UQCC6: variants seen among roughly 807,000 people sequenced by gnomAD.
UQCC6 encodes protein BRAWNIN.
chr12:103,960,156 T>C, the UQCC6 span, among the ~76,000 whole-genome samples: 2 of 151,938 alleles, frequency 1.3e-5, no homozygotes, highest in East Asian at 3.9e-4. Context: ...GGCGTGACCT[T>C]GACTCCTGAG....
the UQCC6 span, chr12:103,954,681 AT>A: frequency 4.7e-6 from 2 of 429,806 alleles, no homozygotes; most frequent in African/African-American, 4.1e-5. Flanking sequence ...ATCAGTGGAC[AT>A]TCAACAACAG....
chr12:103,951,682 G>T, the UQCC6 span: 1 of 971,194 alleles, frequency 1.0e-6, no homozygotes, highest in Non-Finnish European at 1.5e-6. Context: ...TAATAAGGCT[G>T]TAATTCAATG....
At chr12:103,959,774 G>A in the UQCC6 span, among the ~76,000 whole-genome samples, 2 of 149,228 alleles carry the variant, frequency 1.3e-5, no homozygotes, top group Non-Finnish European at 3.0e-5. Flanking sequence ...TTCCAAAGCA[G>A]CTATACAAAT....
chr12:103,951,516 G>A, the UQCC6 span: 2 of 1,411,110 alleles, frequency 1.4e-6, no homozygotes, highest in East Asian at 2.5e-5. Flanking sequence ...CAGAATTCTT[G>A]GCATAGTTAT....
chr12:103,960,680 TAAC>T, the UQCC6 span, among the ~76,000 whole-genome samples: 5 of 152,276 alleles, frequency 3.3e-5, no homozygotes, highest in African/African-American at 7.2e-5. Context: ...ATATGCTGCA[TAAC>T]AACATTTCAG....
At chr12:103,961,537 TTTGTTGTTGTTGTTGTTG>T in the UQCC6 span, among the ~76,000 whole-genome samples, 1 of 150,456 alleles carries the variant, frequency 6.6e-6, no homozygotes, top group Non-Finnish European at 1.5e-5. Context: ...ACTGTTTGGT[TTTGTTGTTGTTGTTGTTG>T]TTGTTGTTGT....
chr12:103,964,580 C>T, the UQCC6 span, among the ~76,000 whole-genome samples: 1 of 152,224 alleles, frequency 6.6e-6, no homozygotes, highest in Non-Finnish European at 1.5e-5. Context: ...GAAAAGTTTA[C>T]TCTCTTCACA....
the UQCC6 span, among the ~76,000 whole-genome samples, chr12:103,952,179 A>C: frequency 0.41 from 61,686 of 151,900 alleles, 13,676 homozygotes; most frequent in African/African-American, 0.58. Context: ...ATTAGCAGTC[A>C]CTTTCATTTC....
the UQCC6 span, chr12:103,955,046 G>C: frequency 3.7e-5 from 25 of 676,960 alleles, 1 homozygote; most frequent in Middle Eastern, 2.3e-4. Flanking sequence ...CAGGCACAGT[G>C]GCTCATGCCT....
chr12:103,957,097 A>C, the UQCC6 span: 1 of 273,378 alleles, frequency 3.7e-6, no homozygotes, highest in Non-Finnish European at 7.2e-6. Context: ...TGTGGACTTC[A>C]CTCCTCTCTG....
At chr12:103,962,341 A>G in the UQCC6 span, among the ~76,000 whole-genome samples, 1 of 152,156 alleles carries the variant, frequency 6.6e-6, no homozygotes, top group African/African-American at 2.4e-5. Context: ...CTTTTGTATT[A>G]TATTTAAAAA....
chr12:103,952,477 C>T, the UQCC6 span, among the ~76,000 whole-genome samples: 1,102 of 152,248 alleles, frequency 7.2e-3, 22 homozygotes, highest in African/African-American at 0.026. Flanking sequence ...TAATACTGCT[C>T]TGAACATTCA....
chr12:103,953,320 A>G, the UQCC6 span: 1 of 700,258 alleles, frequency 1.4e-6, no homozygotes. Context: ...AGTATGAGAG[A>G]GGAATTAAGG....
At chr12:103,960,621 A>G in the UQCC6 span, among the ~76,000 whole-genome samples, 6 of 152,226 alleles carry the variant, frequency 3.9e-5, no homozygotes, top group African/African-American at 7.2e-5. Flanking sequence ...ACCCCACACC[A>G]TATTAAAAAT....
chr12:103,957,612 C>A, the UQCC6 span, among the ~76,000 whole-genome samples: 3 of 152,202 alleles, frequency 2.0e-5, no homozygotes, highest in South Asian at 6.2e-4. Flanking sequence ...TTTTGATACC[C>A]GAAATAGAGC....
At chr12:103,964,131 CTTTTTTTTTTTTTTTTTTTTTTTTTT>C in the UQCC6 span, among the ~76,000 whole-genome samples, 1 of 69,470 alleles carries the variant, frequency 1.4e-5, no homozygotes, top group Admixed American at 2.0e-4. Context: ...CTCCCATAAG[CTTTTTTTTTTTTTTTTTTTTTTTTTT>C]TTTTTTTTTT....
At chr12:103,956,807 G>C in the UQCC6 span, 2 of 1,096,806 alleles carry the variant, frequency 1.8e-6, no homozygotes, top group Non-Finnish European at 2.7e-6. Flanking sequence ...CACCGCGCCA[G>C]GGCTGAGGCG....
the UQCC6 span, chr12:103,951,646 A>T: frequency 7.3e-7 from 1 of 1,378,312 alleles, no homozygotes; most frequent in Non-Finnish European, 1.0e-6. Context: ...AAAAAAACAA[A>T]ACAAAAAACA....
chr12:103,955,025 T>C, the UQCC6 span: 2 of 693,284 alleles, frequency 2.9e-6, no homozygotes, highest in Non-Finnish European at 2.6e-6. Context: ...ATGTTAAAAA[T>C]ACAAATGGGC....
Sources: allele counts gnomAD v4.1 joint callset (sites outside exome capture counted in the v4.1 genomes callset), GRCh38; gene constraint gnomAD v4.1.1; transcripts MANE v1.5; gene names NCBI Gene and HGNC (gene_info 2026-07-23, HGNC 2026-07-21).